The following PIK3IP1 variants were observed in gnomAD, a reference collection of about 807,000 sequenced individuals.
PIK3IP1 encodes phosphoinositide-3-kinase-interacting protein 1.
In PIK3IP1, 28 loss-of-function variants were observed where a neutral mutation model predicts 30.7. The observed-to-expected ratio is 0.91, with a 90% confidence interval of 0.68 to 1.25. The LOEUF (loss-of-function observed/expected upper bound fraction) is 1.25. Among genes scored for constraint, PIK3IP1 ranks in the 50% most tolerant of loss-of-function variants. The pLI is 0.00. For synonymous variants in PIK3IP1, 159 were observed against 140.8 expected, an observed-to-expected ratio of 1.13 and a Z score of -0.91; for missense variants, 333 against 346.2, an observed-to-expected ratio of 0.96 and a Z score of 0.30.
At position 31,292,400 on chromosome 22, in the gene PIK3IP1, C is replaced by T. The variant is rs1366373088; in HGVS notation, c.-56G>A. ...ACGACCAGTGTTTAACCGAGGCCCC[C>T]TTGGCGGCGGCTCTGCCTCCCAGTC... is the stretch of plus-strand genomic sequence containing the variant. On this transcript the variant is annotated 5_prime_UTR_variant, in exon 1 of 6. Transcript: ENST00000215912. 2 of 1,554,916 alleles carry T rather than the reference C, an allele frequency of 1.3e-6. No individual in the cohort carries two copies. The highest frequency in any genetic ancestry group is 1.8e-6 in the Non-Finnish European group (2 of 1,126,664).
Position 31,291,163 on chromosome 22 carries a change from C to T in PIK3IP1, c.187+17G>A, listed in dbSNP as rs1343648912. Reference sequence around the variant, plus strand: ...GCCGCCCGCCAGCCCCGGGGCCGTCCCCCGGAGGACACTTACCCGACACGG... The same window carrying T: ...GCCGCCCGCCAGCCCCGGGGCCGTCTCCCGGAGGACACTTACCCGACACGG... On this transcript the variant is annotated intron_variant, in intron 2 of 5. Transcript: ENST00000215912. 6.5e-7 allele frequency: 1 copy of T among 1,540,330 alleles called. No individual in the cohort carries two copies. Among genetic ancestry groups the T allele is most frequent in the Non-Finnish European group, 8.7e-7 (1 of 1,143,272 alleles).
At position 31,283,161 on chromosome 22, in the gene PIK3IP1, G is replaced by A; in HGVS notation, c.715C>T (p.His239Tyr). ...EIVDEKTVVV[H>Y]TSQTPVDPQE... ...GGGTCAACTGGAGTCTGGCTGGTGT[G>A]GACCACGACAGTCTTCTCATCCACA... is the stretch of plus-strand genomic sequence containing the variant. Residue 239 changes from histidine (H) to tyrosine (Y), a missense_variant, in exon 6 of 6, where the codon CAC (histidine) becomes TAC (tyrosine). Physicochemically the swap from His to Tyr is moderately conservative, Grantham distance 83. Around this residue, in one of 3 missense-constraint regions of PIK3IP1, gnomAD observed 217 missense variants for 227.7 expected, o/e 0.95. Coordinates refer to ENST00000215912, the MANE Select transcript of PIK3IP1 (RefSeq NM_052880.5). The A allele has an allele frequency of 6.2e-7, 1 of 1,614,142 alleles. No homozygotes were observed. The highest frequency in any genetic ancestry group is 8.5e-7 in the Non-Finnish European group (1 of 1,180,002).
intron 3 of PIK3IP1, 149 bp downstream of exon 3, chr22:31,290,816 C>T: frequency 3.3e-6 from 4 of 1,218,902 alleles, no homozygotes; most frequent in Non-Finnish European, 4.3e-6. Context: ...GCTTTGAGCC[C>T]CGCGGCCTGG....
At chr22:31,291,783 C>G (rs2049181746) in intron 1 of PIK3IP1, among the ~76,000 whole-genome samples, 1 of 110,504 alleles carries the variant, frequency 9.0e-6, no homozygotes, top group Non-Finnish European at 1.8e-5. Context: ...ACGGATACGG[C>G]CACCTTCTGC....
At position 31,282,909 on chromosome 22, in the gene PIK3IP1, G is replaced by C. The variant is rs1049736630; in HGVS notation, c.*175C>G. On this transcript the variant is annotated 3_prime_UTR_variant, in exon 6 of 6. Transcript: ENST00000215912. Reference sequence around the variant, plus strand: ...AGGAGCACTGTTAGGACCCTACCCAGCCTTACCCTCAGCCCACAGGGCCAC... The same window carrying C: ...AGGAGCACTGTTAGGACCCTACCCACCCTTACCCTCAGCCCACAGGGCCAC... The C allele has an allele frequency of 1.7e-6, 1 of 604,340 alleles. No homozygotes were observed. Among genetic ancestry groups the C allele is most frequent in the Admixed American group, 2.9e-5 (1 of 34,276 alleles). 37.4% of individuals were successfully genotyped at this position (604,340 alleles called of 1,614,324 possible).
At chr22:31,290,895 G>A in intron 3 of PIK3IP1, 70 bp downstream of exon 3, 1 of 1,473,302 alleles carries the variant, frequency 6.8e-7, no homozygotes, top group Non-Finnish European at 8.9e-7. Context: ...GGCCGCACGT[G>A]CGCCACGAGT....
Position 31,289,539 on chromosome 22 carries a change from C to G in PIK3IP1, c.468G>C (p.Val156=). 3 of 1,548,074 alleles carry G rather than the reference C, an allele frequency of 1.9e-6. No homozygotes were observed. The highest frequency in any genetic ancestry group is 2.6e-6 in the Non-Finnish European group (3 of 1,144,004). Residue 156 remains valine, a synonymous_variant, in exon 4 of 6, where the codon GTG becomes GTC. Coordinates refer to ENST00000215912, the MANE Select transcript of PIK3IP1 (RefSeq NM_052880.5). ...CCTTTTTCTCCTTGGAGTTCATCCG[C>G]ACCCGCTGGCTGATCCCAATCACTG... ...VQPVIGISQR[V]RMNSKEKKDL...
At chr22:31,286,122 G>A (rs535372861) in intron 5 of PIK3IP1, among the ~76,000 whole-genome samples, 10 of 150,666 alleles carry the variant, frequency 6.6e-5, no homozygotes, top group African/African-American at 2.2e-4. Context: ...GCAGTGAGCC[G>A]ACACAGCGAG....
chr22:31,292,480 T>C lies in PIK3IP1; in HGVS notation c.-136A>G. 1 of 685,902 alleles carries C rather than the reference T, an allele frequency of 1.5e-6. No homozygotes were observed. Among genetic ancestry groups the C allele is most frequent in the East Asian group, 2.6e-5 (1 of 38,260 alleles). 42.5% of individuals were successfully genotyped at this position (685,902 alleles called of 1,614,324 possible). On this transcript the variant is annotated 5_prime_UTR_variant, in exon 1 of 6. Transcript: ENST00000215912. ...ATGCTGTTCTGGTAAACAGCCTCTCTTTAGAACTGGGAGCTTCCCAGCTAG... is the reference window on the plus strand; with the variant it reads ...ATGCTGTTCTGGTAAACAGCCTCTCCTTAGAACTGGGAGCTTCCCAGCTAG...
Position 31,289,617 on chromosome 22 carries a change from C to G in PIK3IP1, c.390G>C (p.Val130=). ...CGGGCAGGGCGTTGGCAGGAGCGAA[C>G]ACCTGCACCTCATCTGCACCTGGCC... ...SEGPGADEVQ[V]FAPANALPAR... is the part of the protein sequence containing the mutation. The change falls in exon 4 of 6, where the codon GTG becomes GTC. Residue 130 remains valine, a synonymous_variant. Transcript: ENST00000215912. 2.6e-6 allele frequency: 4 copies of G among 1,557,324 alleles called. No individual in the cohort carries two copies. Among genetic ancestry groups the G allele is most frequent in the Non-Finnish European group, 3.5e-6 (4 of 1,149,498 alleles).
At position 31,290,991 on chromosome 22, in the gene PIK3IP1, C is replaced by A; in HGVS notation, c.281G>T (p.Arg94Leu). The A allele has an allele frequency of 6.2e-7, 1 of 1,605,374 alleles. No individual in the cohort carries two copies. Among genetic ancestry groups the A allele is most frequent in the Non-Finnish European group, 8.5e-7 (1 of 1,176,726 alleles). Residue 94 changes from arginine to leucine, a missense_variant, in exon 3 of 6, where the codon CGG becomes CTG. Coordinates refer to ENST00000215912, the MANE Select transcript of PIK3IP1 (RefSeq NM_052880.5). ...VSGEAGVPEK[R>L]PCEDLRCPET... ...TGGACAGCGCAGGTCCTCGCAAGGC[C>A]GTTTCTCAGGGACGCCGGCCTCGCC...
chr22:31,288,897 G>A (rs952786226), intron 5 of PIK3IP1: 2 of 307,970 alleles, frequency 6.5e-6, no homozygotes, highest in African/African-American at 4.3e-5. Context: ...ATAACTCACA[G>A]AAAGAATTTG....
At chr22:31,289,809 C>A in intron 3 of PIK3IP1, 110 bp from the exon 4 acceptor site, 1 of 1,172,354 alleles carries the variant, frequency 8.5e-7, no homozygotes, top group African/African-American at 1.5e-5. Flanking sequence ...CTAAGAATTT[C>A]CCCCCACACA....
Position 31,283,282 on chromosome 22 carries a change from C to A in PIK3IP1, c.594G>T (p.Lys198Asn). Reference protein sequence around the residue: ...IILGYSYKRGKDLKEQHDQKV... With the variant: ...IILGYSYKRGNDLKEQHDQKV... ...TCTGATCATGCTGTTCTTTCAAATC[C>A]TTCCCCCTGGCAGGAAAAAAACAAA... The change falls in exon 6 of 6, where the codon AAG becomes AAT. Residue 198 changes from lysine (K) to asparagine (N), a missense_variant. By Grantham distance (94) the Lys-to-Asn change is moderately conservative. Transcript: ENST00000215912. 2 of 1,609,234 alleles carry A rather than the reference C, an allele frequency of 1.2e-6. No individual in the cohort carries two copies. The highest frequency in any genetic ancestry group is 1.1e-5 in the South Asian group (1 of 91,036).
intron 1 of PIK3IP1, among the ~76,000 whole-genome samples, chr22:31,292,048 T>A (rs1179021526): frequency 6.6e-6 from 1 of 152,144 alleles, no homozygotes; most frequent in Non-Finnish European, 1.5e-5. Flanking sequence ...CATCCACTCA[T>A]GAGCAAGGAA....
At chr22:31,287,099 T>C (rs139499577) in intron 5 of PIK3IP1, among the ~76,000 whole-genome samples, 3 of 133,292 alleles carry the variant, frequency 2.3e-5, no homozygotes, top group East Asian at 2.6e-4. Flanking sequence ...TGGCTCACCA[T>C]AGCGACTTCC....
chr22:31,289,669 G>A lies in PIK3IP1; in HGVS notation c.338C>T (p.Thr113Met), dbSNP rs773370421. 3 of 1,553,276 alleles carry A rather than the reference G, an allele frequency of 1.9e-6. No homozygotes were observed. Among genetic ancestry groups the A allele is most frequent in the South Asian group, 1.2e-5 (1 of 84,160 alleles). ...ETTSQALPAF[T>M]TEIQEASEGP... ...TTCAGACGCTTCCTGGATTTCTGTC[G>A]TGAAGGCTGGCAGGGCCTGGGAGGT... The change falls in exon 4 of 6, where the codon ACG (threonine) becomes ATG (methionine). Residue 113 changes from threonine (T) to methionine (M), a missense_variant. This residue lies in a region of PIK3IP1 where 217 missense variants were observed against 227.7 expected (regional missense o/e 0.95). Coordinates refer to ENST00000215912, the MANE Select transcript of PIK3IP1 (RefSeq NM_052880.5).
intron 5 of PIK3IP1, among the ~76,000 whole-genome samples, chr22:31,287,986 C>G (rs1378979523): frequency 6.6e-6 from 1 of 152,130 alleles, no homozygotes; most frequent in Non-Finnish European, 1.5e-5. Flanking sequence ...CAAACTTCCC[C>G]TTTTTCATCT....
At chr22:31,291,791 T>G (rs2049181975) in intron 1 of PIK3IP1, among the ~76,000 whole-genome samples, 1 of 73,092 alleles carries the variant, frequency 1.4e-5, no homozygotes, top group Non-Finnish European at 2.4e-5. Flanking sequence ...GGCCACCTTC[T>G]GCCCGTTTAA....
Sources: allele counts gnomAD v4.1 joint callset (sites outside exome capture counted in the v4.1 genomes callset), GRCh38; gene constraint gnomAD v4.1.1; regional missense constraint gnomAD v4.1.1; transcripts MANE v1.5; gene names NCBI Gene and HGNC (gene_info 2026-07-23, HGNC 2026-07-21).